Variants in EZR observed in about 807,000 individuals in gnomAD.
EZR encodes cytovillin 2.
A neutral mutation model predicts 74.8 loss-of-function variants in EZR; 40 were observed. The observed-to-expected ratio is 0.53, with a 90% CI of 0.42 to 0.70. EZR has a LOEUF of 0.70. EZR is among the 30% of genes least tolerant of loss of function. The pLI is 0.00. For missense variants in EZR, 678 were observed against 755.8 expected (o/e 0.90, Z 1.21); for synonymous variants, 341 against 283.3 (o/e 1.20, Z -2.05).
intron 10 of EZR, among the ~76,000 whole-genome samples, chr6:158,770,265 G>C (rs1791060959): frequency 6.6e-6 from 1 of 152,236 alleles, no homozygotes; most frequent in Non-Finnish European, 1.5e-5. Context: ...TCAGAACACA[G>C]AACACCCTTC....
At chr6:158,793,078 T>C (rs1791785860) in intron 2 of EZR, among the ~76,000 whole-genome samples, 1 of 151,710 alleles carries the variant, frequency 6.6e-6, no homozygotes. Context: ...CCCAGCACTG[T>C]GGGAAACCAA....
Position 158,765,855 on chromosome 6 carries a change from A to AC in EZR, c.*1058dup, listed in dbSNP as rs1426160276. 6.6e-6 allele frequency: 1 copy of AC among 152,226 alleles called. No homozygotes were observed. Among genetic ancestry groups the AC allele is most frequent in the East Asian group, 1.9e-4 (1 of 5,202 alleles). 9.4% of individuals were successfully genotyped at this position (152,226 alleles called of 1,614,324 possible). A position where few individuals can be genotyped will look rare whatever the true frequency, so the allele number is the denominator to read the frequency against. On this transcript the variant is annotated 3_prime_UTR_variant, in exon 14 of 14. Transcript: ENST00000367075. Reference sequence around the variant, plus strand: ...GCACGAGAAGGAATGAGTGGGCGGAACCAACGGCCTCCACAAGCTGCCTTC... The same window carrying AC: ...GCACGAGAAGGAATGAGTGGGCGGAACCCAACGGCCTCCACAAGCTGCCTTC...
intron 2 of EZR, among the ~76,000 whole-genome samples, chr6:158,805,946 GTTCAT>G (rs758199390): frequency 1.3e-5 from 2 of 152,060 alleles, no homozygotes; most frequent in African/African-American, 4.8e-5. Flanking sequence ...CCCTTATTTT[GTTCAT>G]TTCAATTTTC....
At chr6:158,773,480 AC>A (rs1791181527) in intron 8 of EZR, among the ~76,000 whole-genome samples, 2 of 152,234 alleles carry the variant, frequency 1.3e-5, no homozygotes, top group South Asian at 4.1e-4. Context: ...GAACCACAAC[AC>A]GACAAGACCT....
At chr6:158,778,586 T>A (rs764960150) in intron 7 of EZR, among the ~76,000 whole-genome samples, 2 of 152,178 alleles carry the variant, frequency 1.3e-5, no homozygotes, top group Non-Finnish European at 2.9e-5. Context: ...TAAGTGTCCT[T>A]GCTTAGGCCA....
At chr6:158,771,108 A>G in intron 9 of EZR, 136 bp downstream of exon 9, 2 of 1,385,936 alleles carry the variant, frequency 1.4e-6, no homozygotes, top group Non-Finnish European at 1.9e-6. Flanking sequence ...AAAGGCCTCG[A>G]AGATCCCAGC....
chr6:158,804,327 T>C (rs1280408927), intron 2 of EZR, among the ~76,000 whole-genome samples: 1 of 152,218 alleles, frequency 6.6e-6, no homozygotes, highest in Non-Finnish European at 1.5e-5. Context: ...AAAGAAACTA[T>C]TCTTTCTAGA....
rs539532068 is a variant in EZR, at chr6:158,784,656, C to T, written c.539G>A (p.Arg180His). Residue 180 changes from arginine to histidine, a missense_variant, in exon 6 of 14, where the codon CGT (arginine) becomes CAT (histidine). Physicochemically the swap from Arg to His is conservative, Grantham distance 29 (BLOSUM62 0). This residue lies in a region of EZR where 217 missense variants were observed against 232.2 expected (regional missense o/e 0.93). Coordinates refer to ENST00000367075, the MANE Select transcript of EZR (RefSeq NM_001111077.2). ...GCACAGCACTCACTTGAGCATCCCACGGTGTTCCGCATGCCACACCTGGAT... is the reference window on the plus strand; with the variant it reads ...GCACAGCACTCACTTGAGCATCCCATGGTGTTCCGCATGCCACACCTGGAT... ...DRIQVWHAEH[R>H]GMLKDNAMLE... 18 of 1,614,016 alleles carry T rather than the reference C, an allele frequency of 1.1e-5. No homozygotes were observed. The highest frequency in any genetic ancestry group is 4.5e-5 in the East Asian group (2 of 44,892).
intron 2 of EZR, among the ~76,000 whole-genome samples, chr6:158,799,472 C>T (rs1255913672): frequency 6.6e-6 from 1 of 152,234 alleles, no homozygotes; most frequent in Non-Finnish European, 1.5e-5. Context: ...AACATCCTTA[C>T]TAAGTCTCCA....
chr6:158,772,978 C>A (rs1392854846), intron 8 of EZR, among the ~76,000 whole-genome samples: 1 of 152,170 alleles, frequency 6.6e-6, no homozygotes, highest in Admixed American at 6.5e-5. Flanking sequence ...CTGGGTGGGG[C>A]TGTCTTTGGG....
intron 7 of EZR, among the ~76,000 whole-genome samples, chr6:158,781,424 A>G (rs1791429198): frequency 6.6e-6 from 1 of 152,196 alleles, no homozygotes; most frequent in South Asian, 2.1e-4. Context: ...GAGGGGGAGC[A>G]GAGCGCAAAA....
intron 2 of EZR, among the ~76,000 whole-genome samples, chr6:158,805,920 C>G (rs1384348527): frequency 1.3e-5 from 2 of 152,172 alleles, no homozygotes; most frequent in Non-Finnish European, 2.9e-5. Context: ...TGGCTAAAGC[C>G]CTACCCAGTA....
chr6:158,778,801 A>C (rs1449205605), intron 7 of EZR, among the ~76,000 whole-genome samples: 1 of 152,362 alleles, frequency 6.6e-6, no homozygotes, highest in Non-Finnish European at 1.5e-5. Flanking sequence ...CTGAGCAAGA[A>C]GATACATACT....
chr6:158,786,111 C>T (rs895816117), intron 4 of EZR, among the ~76,000 whole-genome samples: 31 of 151,668 alleles, frequency 2.0e-4, no homozygotes, highest in African/African-American at 6.5e-4. Flanking sequence ...TGGTGGCTCA[C>T]GACTGTAATC....
At chr6:158,812,513 A>G (rs1777471507) in intron 2 of EZR, among the ~76,000 whole-genome samples, 2 of 152,150 alleles carry the variant, frequency 1.3e-5, no homozygotes, top group Admixed American at 6.5e-5. Flanking sequence ...ACACTGCACT[A>G]AATTAACCCT....
intron 2 of EZR, among the ~76,000 whole-genome samples, chr6:158,814,465 G>A (rs1777512240): frequency 6.6e-6 from 1 of 151,962 alleles, no homozygotes; most frequent in African/African-American, 2.4e-5. Flanking sequence ...TCTTGGCCCA[G>A]GTACCAGACA....
At chr6:158,771,493 T>C in intron 8 of EZR, 86 bp from the exon 9 acceptor site, 12 of 1,406,886 alleles carry the variant, frequency 8.5e-6, no homozygotes, top group Non-Finnish European at 1.1e-5. Context: ...GTCCAGAACT[T>C]TTCTAAAAGA....
chr6:158,785,575 G>A lies in EZR; in HGVS notation c.201C>T (p.Ala67=). 1.2e-6 allele frequency: 2 copies of A among 1,613,650 alleles called. No individual in the cohort carries two copies. The highest frequency in any genetic ancestry group is 1.7e-6 in the Non-Finnish European group (2 of 1,179,648). Residue 67 remains alanine (A), a synonymous_variant, in exon 5 of 14, where the codon GCC becomes GCT. Coordinates refer to ENST00000367075, the MANE Select transcript of EZR (RefSeq NM_001111077.2). The stretch of plus-strand genomic sequence containing the variant: ...GGGGATTCTCCTTCCTGACCTCCTG[G>A]GCAGACACCTGCACGAAACAAGCCA... The part of the protein sequence containing the change: ...TWLKLDKKVS[A]QEVRKENPLQ...
At chr6:158,818,005 C>T (rs922489158) in intron 2 of EZR, 77 bp downstream of exon 2, 8 of 1,480,964 alleles carry the variant, frequency 5.4e-6, no homozygotes, top group Non-Finnish European at 7.4e-6. Context: ...AGGAACTGCC[C>T]CAACACCTCG....
Sources: allele counts gnomAD v4.1 joint callset (sites outside exome capture counted in the v4.1 genomes callset), GRCh38; gene constraint gnomAD v4.1.1; regional missense constraint gnomAD v4.1.1; transcripts MANE v1.5; gene names NCBI Gene and HGNC (gene_info 2026-07-23, HGNC 2026-07-21).